LUZP2: variants seen among roughly 807,000 people sequenced by gnomAD.
LUZP2 encodes the protein leucine zipper protein 2.
In LUZP2, 52 loss-of-function variants were observed where a neutral mutation model predicts 51.6. The observed-to-expected ratio is 1.01, with a 90% CI of 0.81 to 1.27. The LOEUF is 1.27. Ranked by LOEUF, LUZP2 falls within the 50% of genes most tolerant of loss-of-function variation. LUZP2 has a pLI of 0.00. For synonymous variants in LUZP2, 154 were observed against 137.3 expected (o/e 1.12, Z -0.85); for missense variants, 436 against 395.4 (o/e 1.10, Z -0.87).
At chr11:24,764,489 CTAAAAAAA>C (rs1860107114) in intron 5 of LUZP2, among the ~76,000 whole-genome samples, 1 of 56,420 alleles carries the variant, frequency 1.8e-5, no homozygotes, top group South Asian at 6.3e-4. Context: ...AATCTCATCT[CTAAAAAAA>C]AAAAAAAAAA....
In LUZP2 at chr11:24,949,792, A is replaced by G. The variant is rs1053502178; in HGVS notation, c.523-26799A>G. ...AATGACATTGATAGAAGGATTAATG[A>G]TTTAAATGTGTAGAACACGCAGGTG... On this transcript the variant is annotated intron_variant, in intron 7 of 11. Coordinates refer to ENST00000336930, the MANE Select transcript of LUZP2 (RefSeq NM_001009909.4). Among the ~76,000 whole-genome samples, 8 of 151,776 alleles carry G rather than the reference A, an allele frequency of 5.3e-5. No homozygotes were observed. In the East Asian group the frequency reaches 1.6e-3, roughly 29 times the overall value.
chr11:25,000,985 C>T (rs1006058901), intron 9 of LUZP2, among the ~76,000 whole-genome samples: 1 of 152,154 alleles, frequency 6.6e-6, no homozygotes, highest in Admixed American at 6.6e-5. Context: ...GTGGCCATTT[C>T]TAACCCTATA....
At chr11:24,703,607 G>C (rs1246163388) in intron 1 of LUZP2, among the ~76,000 whole-genome samples, 3 of 152,014 alleles carry the variant, frequency 2.0e-5, no homozygotes, top group Admixed American at 2.0e-4. Context: ...TGGATCACCT[G>C]AGGTCAGGAG....
At chr11:24,518,399 CAT>C (rs1850544232) in intron 1 of LUZP2, among the ~76,000 whole-genome samples, 1 of 152,016 alleles carries the variant, frequency 6.6e-6, no homozygotes, top group Admixed American at 6.6e-5. Flanking sequence ...CCCCTTGTAA[CAT>C]TGTATATTTA....
chr11:24,573,410 A>G (rs551698432), intron 1 of LUZP2, among the ~76,000 whole-genome samples: 3 of 152,084 alleles, frequency 2.0e-5, no homozygotes, highest in East Asian at 3.9e-4. Flanking sequence ...TAAAATGTCA[A>G]TAATAATCAG....
chr11:24,637,682 C>G (rs1467022082), intron 1 of LUZP2, among the ~76,000 whole-genome samples: 2 of 151,788 alleles, frequency 1.3e-5, no homozygotes, highest in African/African-American at 2.4e-5. Context: ...GCCCTGGTCT[C>G]CTGCAGTGCC....
intron 1 of LUZP2, among the ~76,000 whole-genome samples, chr11:24,696,315 A>T (rs941131352): frequency 6.6e-6 from 1 of 152,140 alleles, no homozygotes; most frequent in African/African-American, 2.4e-5. Context: ...GTCACCAGAC[A>T]AACAAAAAGG....
intron 9 of LUZP2, among the ~76,000 whole-genome samples, chr11:25,009,701 GCATTGTGATTTTAACA>G (rs1403254116): frequency 6.6e-6 from 1 of 151,970 alleles, no homozygotes; most frequent in Non-Finnish European, 1.5e-5. Context: ...CTAACCAAAG[GCATTGTGATTTTAACA>G]CATTCTTTAC....
intron 4 of LUZP2, among the ~76,000 whole-genome samples, chr11:24,750,124 A>T (rs1469024152): frequency 6.6e-6 from 1 of 152,234 alleles, no homozygotes; most frequent in Non-Finnish European, 1.5e-5. Context: ...TCTGGATGTT[A>T]TTCAGAACCT....
At chr11:24,519,820 G>T (rs774661213) in intron 1 of LUZP2, among the ~76,000 whole-genome samples, 36 of 152,078 alleles carry the variant, frequency 2.4e-4, no homozygotes, top group Non-Finnish European at 3.4e-4. Flanking sequence ...AAATAATTTT[G>T]CTTCATGATT....
At chr11:24,797,394 A>T (rs1590545859) in intron 5 of LUZP2, among the ~76,000 whole-genome samples, 1 of 152,200 alleles carries the variant, frequency 6.6e-6, no homozygotes, top group African/African-American at 2.4e-5. Flanking sequence ...AATGTTTGGC[A>T]AACACTGTAT....
chr11:24,884,240 A>G lies in LUZP2; in HGVS notation c.397-21751A>G, dbSNP rs956334857. 5.1e-4 allele frequency among the ~76,000 whole-genome samples: 78 copies of G among 152,038 alleles called. 1 individual carries two copies. Among genetic ancestry groups the G allele is most frequent in the Non-Finnish European group, 7.4e-5 (5 of 67,918 alleles). ...ACATGCATCTGGGATTAGACACTCA[A>G]AGCCAAATTTTAAGTGTATGTACAT... On this transcript the variant is annotated intron_variant, in intron 5 of 11. Coordinates refer to ENST00000336930, the MANE Select transcript of LUZP2 (RefSeq NM_001009909.4).
In LUZP2 at chr11:24,754,942, T is replaced by C. The variant is rs562403179; in HGVS notation, c.334-8304T>C. On this transcript the variant is annotated intron_variant, in intron 4 of 11. Transcript: ENST00000336930. ...GGGTGGATCGCCTGAGGTCAGGAGT[T>C]CAAGACCAGCCCGACCAACATGGTG... Among the ~76,000 whole-genome samples the C allele has an allele frequency of 8.7e-4, 132 of 152,188 alleles. 1 individual carries two copies. The highest frequency in any genetic ancestry group is 1.4e-3 in the Non-Finnish European group (97 of 68,022).
At chr11:24,806,153 T>G (rs1410837305) in intron 5 of LUZP2, among the ~76,000 whole-genome samples, 1 of 152,204 alleles carries the variant, frequency 6.6e-6, no homozygotes, top group African/African-American at 2.4e-5. Context: ...AAAGCCAGGT[T>G]ACACTGCAGG....
At chr11:25,006,880 C>T (rs1315151281) in intron 9 of LUZP2, among the ~76,000 whole-genome samples, 1 of 152,106 alleles carries the variant, frequency 6.6e-6, no homozygotes, top group African/African-American at 2.4e-5. Flanking sequence ...ACAAAGCTTC[C>T]ACAGCGTGGA....
At chr11:25,019,614 CCTTT>C (rs1461093195) in intron 9 of LUZP2, among the ~76,000 whole-genome samples, 1 of 152,088 alleles carries the variant, frequency 6.6e-6, no homozygotes, top group Non-Finnish European at 1.5e-5. Flanking sequence ...TTTATGTCCT[CCTTT>C]CTTCCTCATT....
intron 7 of LUZP2, among the ~76,000 whole-genome samples, chr11:24,919,780 AT>A (rs1458571865): frequency 1.3e-5 from 2 of 150,816 alleles, no homozygotes; most frequent in Non-Finnish European, 3.0e-5. Context: ...CATGAAAATT[AT>A]TTTAAAATAT....
intron 1 of LUZP2, among the ~76,000 whole-genome samples, chr11:24,634,976 T>C (rs1160054978): frequency 3.3e-5 from 5 of 152,150 alleles, no homozygotes; most frequent in African/African-American, 9.7e-5. Flanking sequence ...ATTTGATCTC[T>C]GTTAGTCATA....
intron 7 of LUZP2, among the ~76,000 whole-genome samples, chr11:24,973,335 A>G (rs1590792008): frequency 8.5e-6 from 1 of 117,278 alleles, no homozygotes; most frequent in African/African-American, 3.0e-5. Flanking sequence ...CTTCTTTATT[A>G]GTCTAGCTAG....
Sources: gnomAD v4.1 joint callset for allele counts (sites outside exome capture counted in the v4.1 genomes callset) on GRCh38, gnomAD v4.1.1 for gene constraint, MANE v1.5 for transcripts, NCBI Gene and HGNC (gene_info 2026-07-23, HGNC 2026-07-21) for gene names.